Variants in AFG2A observed in about 807,000 individuals in gnomAD.
The protein encoded by AFG2A is AAA ATPase AFG2A.
the AFG2A span, among the ~76,000 whole-genome samples, chr4:123,229,194 AGGACATT>A: frequency 3.9e-5 from 6 of 152,022 alleles, no homozygotes; most frequent in African/African-American, 1.4e-4. Flanking sequence ...GTGCTGTGGA[AGGACATT>A]GGAGGGAAAA....
the AFG2A span, among the ~76,000 whole-genome samples, chr4:123,308,119 G>A: frequency 6.6e-6 from 1 of 152,102 alleles, no homozygotes; most frequent in Admixed American, 6.6e-5. Context: ...GTTCCTGTGG[G>A]ATACATTTTG....
At chr4:123,108,124 G>A in the AFG2A span, among the ~76,000 whole-genome samples, 112,167 of 152,184 alleles carry the variant, frequency 0.74, 41,899 homozygotes, top group East Asian at 0.97. Flanking sequence ...CCTACCCAGT[G>A]CAGCGGGCGT....
the AFG2A span, among the ~76,000 whole-genome samples, chr4:123,294,336 T>TGC: frequency 6.6e-6 from 1 of 152,220 alleles, no homozygotes; most frequent in Non-Finnish European, 1.5e-5. Context: ...GGAAGTAATG[T>TGC]GCTGGGCACA....
the AFG2A span, among the ~76,000 whole-genome samples, chr4:123,237,378 CAT>C: frequency 2.0e-4 from 30 of 151,772 alleles, no homozygotes; most frequent in Non-Finnish European, 1.9e-4. Context: ...GGAAAACTAC[CAT>C]ATTAAAATTC....
At chr4:122,952,828 G>A in the AFG2A span, among the ~76,000 whole-genome samples, 1 of 152,292 alleles carries the variant, frequency 6.6e-6, no homozygotes, top group East Asian at 1.9e-4. Flanking sequence ...TGCTGAAGAA[G>A]GCATTGGTTA....
the AFG2A span, among the ~76,000 whole-genome samples, chr4:123,133,516 C>A: frequency 1.3e-5 from 2 of 150,712 alleles, no homozygotes; most frequent in African/African-American, 4.9e-5. Context: ...GTGTGGCCTC[C>A]CTTTGTAAAC....
the AFG2A span, among the ~76,000 whole-genome samples, chr4:123,168,138 C>T: frequency 2.6e-5 from 4 of 152,062 alleles, no homozygotes; most frequent in Middle Eastern, 3.2e-3. Flanking sequence ...CAAGAGTGAG[C>T]CAGGATAATG....
the AFG2A span, among the ~76,000 whole-genome samples, chr4:123,137,080 C>T: frequency 3.9e-5 from 6 of 152,178 alleles, no homozygotes; most frequent in African/African-American, 1.2e-4. Context: ...GCACAATTCA[C>T]AGTAGGGTTC....
the AFG2A span, among the ~76,000 whole-genome samples, chr4:123,041,071 A>G: frequency 1.3e-5 from 2 of 151,584 alleles, no homozygotes; most frequent in African/African-American, 2.4e-5. Context: ...GAAAGATAAT[A>G]TTTTTAATTA....
chr4:123,036,154 A>G, the AFG2A span, among the ~76,000 whole-genome samples: 47 of 152,320 alleles, frequency 3.1e-4, no homozygotes, highest in Non-Finnish European at 1.5e-4. Flanking sequence ...AAACAAAGAT[A>G]TATTAGATGG....
the AFG2A span, chr4:122,936,254 A>G: frequency 4.2e-6 from 3 of 717,236 alleles, no homozygotes; most frequent in Non-Finnish European, 6.4e-6. Flanking sequence ...CAGTAGTACA[A>G]AAATTATAGT....
the AFG2A span, chr4:122,979,108 A>G: frequency 3.4e-6 from 4 of 1,160,238 alleles, no homozygotes; most frequent in African/African-American, 1.6e-5. Context: ...AGCCCTGGCC[A>G]CGCCTCCCCC....
the AFG2A span, among the ~76,000 whole-genome samples, chr4:123,271,066 A>G: frequency 6.6e-6 from 1 of 152,208 alleles, no homozygotes; most frequent in Non-Finnish European, 1.5e-5. Context: ...GCCATTGTAG[A>G]CAACTGCAGA....
chr4:123,140,497 GT>G, the AFG2A span, among the ~76,000 whole-genome samples: 1 of 143,562 alleles, frequency 7.0e-6, no homozygotes, highest in Non-Finnish European at 1.5e-5. Flanking sequence ...AGAGGATAAG[GT>G]TTTTTTTTTT....
chr4:123,032,136 A>G, the AFG2A span, among the ~76,000 whole-genome samples: 1 of 152,202 alleles, frequency 6.6e-6, no homozygotes, highest in African/African-American at 2.4e-5. Context: ...TCAGCAAATA[A>G]TTATTCTGGT....
the AFG2A span, among the ~76,000 whole-genome samples, chr4:123,230,620 A>G: frequency 6.6e-6 from 1 of 151,944 alleles, no homozygotes; most frequent in East Asian, 1.9e-4. Context: ...TTCTCCCCTG[A>G]GTCATGAATG....
At chr4:123,024,251 GAAAA>G in the AFG2A span, among the ~76,000 whole-genome samples, 3 of 137,404 alleles carry the variant, frequency 2.2e-5, no homozygotes, top group Admixed American at 2.1e-4. Context: ...AGAAACAAAA[GAAAA>G]AATAAAGCAA....
the AFG2A span, among the ~76,000 whole-genome samples, chr4:123,242,229 T>A: frequency 6.6e-6 from 1 of 152,268 alleles, no homozygotes; most frequent in African/African-American, 2.4e-5. Context: ...AAGCTACCAA[T>A]GATTTTCTTC....
chr4:123,135,207 A>G, the AFG2A span, among the ~76,000 whole-genome samples: 32 of 133,356 alleles, frequency 2.4e-4, no homozygotes, highest in African/African-American at 7.3e-4. Flanking sequence ...AACATTCAGC[A>G]TCCTGTCATG....
Sources: gnomAD v4.1 joint callset for allele counts (sites outside exome capture counted in the v4.1 genomes callset) on GRCh38, gnomAD v4.1.1 for gene constraint, MANE v1.5 for transcripts, NCBI Gene and HGNC (gene_info 2026-07-23, HGNC 2026-07-21) for gene names.